Variants in CNTNAP4 observed in about 807,000 individuals in gnomAD.
The protein encoded by CNTNAP4 is contactin associated protein family member 4.
Under a neutral mutation model 148.4 loss-of-function variants are expected in CNTNAP4, and 98 were observed. The observed-to-expected ratio is 0.66, with a 90% CI of 0.56 to 0.78. The LOEUF is 0.78. Ranked by LOEUF, CNTNAP4 falls within the 30% of genes least tolerant of loss-of-function variation. CNTNAP4 has a pLI of 0.00. For synonymous variants in CNTNAP4, 730 were observed against 565.1 expected, an observed-to-expected ratio of 1.29 and a Z score of -4.14; for missense variants, 1,935 against 1,565.6, an observed-to-expected ratio of 1.24 and a Z score of -3.98.
chr16:76,367,415 G>A (rs1042293344), intron 3 of CNTNAP4, among the ~76,000 whole-genome samples: 4 of 151,998 alleles, frequency 2.6e-5, no homozygotes, highest in Non-Finnish European at 2.9e-5. Context: ...AGGAAAAGAT[G>A]AAAAATTAGA....
intron 2 of CNTNAP4, among the ~76,000 whole-genome samples, chr16:76,331,365 T>A (rs1197999592): frequency 6.6e-6 from 1 of 151,844 alleles, no homozygotes; most frequent in Non-Finnish European, 1.5e-5. Context: ...TTTTTTGTAT[T>A]TTTTAGTAGA....
At chr16:76,442,985 A>G (rs1224977645) in intron 4 of CNTNAP4, among the ~76,000 whole-genome samples, 1 of 152,158 alleles carries the variant, frequency 6.6e-6, no homozygotes, top group Non-Finnish European at 1.5e-5. Context: ...AGGGGGCTAG[A>G]CTAAAAAGCG....
At chr16:76,534,107 A>G (rs2084110652) in intron 17 of CNTNAP4, among the ~76,000 whole-genome samples, 1 of 152,196 alleles carries the variant, frequency 6.6e-6, no homozygotes, top group South Asian at 2.1e-4. Flanking sequence ...TCTCAGTCTC[A>G]GAGACCCAAG....
At chr16:76,379,080 G>A (rs2015713093) in intron 3 of CNTNAP4, among the ~76,000 whole-genome samples, 1 of 152,162 alleles carries the variant, frequency 6.6e-6, no homozygotes, top group South Asian at 2.1e-4. Flanking sequence ...GGTTACCCCG[G>A]ACTCAAAGAT....
At chr16:76,555,207 G>A (rs1309779025) in intron 23 of CNTNAP4, among the ~76,000 whole-genome samples, 1 of 151,940 alleles carries the variant, frequency 6.6e-6, no homozygotes, top group Non-Finnish European at 1.5e-5. Flanking sequence ...GATTTTATTT[G>A]GACAGCAAAT....
chr16:76,285,081 G>A (rs965935813), intron 1 of CNTNAP4, among the ~76,000 whole-genome samples: 4 of 151,950 alleles, frequency 2.6e-5, no homozygotes, highest in African/African-American at 4.8e-5. Context: ...CATGCCAAAC[G>A]CATTACAAGT....
chr16:76,284,439 T>C (rs145276669), intron 1 of CNTNAP4, among the ~76,000 whole-genome samples: 1 of 152,044 alleles, frequency 6.6e-6, no homozygotes, highest in East Asian at 1.9e-4. Flanking sequence ...CCAAACCTCA[T>C]GCAGACAAAA....
At chr16:76,352,314 G>T (rs887115868) in intron 2 of CNTNAP4, among the ~76,000 whole-genome samples, 1 of 152,100 alleles carries the variant, frequency 6.6e-6, no homozygotes, top group Non-Finnish European at 1.5e-5. Context: ...TCATCCACAC[G>T]CCATGTCCAT....
intron 2 of CNTNAP4, among the ~76,000 whole-genome samples, chr16:76,321,245 A>G (rs530267749): frequency 1.3e-5 from 2 of 152,376 alleles, no homozygotes; most frequent in South Asian, 4.1e-4. Flanking sequence ...GTTAATTGAC[A>G]GAGATAACTC....
At chr16:76,325,004 A>G (rs1481160101) in intron 2 of CNTNAP4, among the ~76,000 whole-genome samples, 1 of 152,196 alleles carries the variant, frequency 6.6e-6, no homozygotes, top group Non-Finnish European at 1.5e-5. Flanking sequence ...TAAACTAACT[A>G]CTTGACATAC....
intron 15 of CNTNAP4, among the ~76,000 whole-genome samples, chr16:76,502,091 A>C (rs2082673449): frequency 6.7e-6 from 1 of 149,432 alleles, no homozygotes; most frequent in East Asian, 2.0e-4. Flanking sequence ...AGAATTTACA[A>C]ATAGTTTCAA....
At chr16:76,431,835 C>G (rs556486645) in intron 4 of CNTNAP4, among the ~76,000 whole-genome samples, 22 of 151,472 alleles carry the variant, frequency 1.5e-4, no homozygotes, top group South Asian at 1.3e-3. Flanking sequence ...GAACAACTGT[C>G]TGGAAGGGGC....
In CNTNAP4 at chr16:76,477,220, G is replaced by T. The variant is rs142626440; in HGVS notation, c.1762+1175G>T. The stretch of plus-strand genomic sequence containing the variant: ...TTCCTGTATTACAAATCATGAATTT[G>T]TTTTTCTGATGAAATGGATTGCATG... On this transcript the variant is annotated intron_variant, in intron 11 of 23. Transcript: ENST00000611870. Among the ~76,000 whole-genome samples the T allele has an allele frequency of 1.1e-3, 170 of 152,110 alleles. 3 individuals are homozygous for T. In the East Asian group the frequency reaches 0.029, roughly 26 times the overall value.
rs200891315 is a variant in CNTNAP4 at position 76,295,073 on chromosome 16, C to G, written c.85+17326C>G. On this transcript the variant is annotated intron_variant, in intron 1 of 23. Transcript: ENST00000611870. Reference sequence around the variant, plus strand: ...AGCTCAGCTTTGCCACTTCCTGGTCCTGTAGAAAAACAGCACAGTGTGGTA... The same window carrying G: ...AGCTCAGCTTTGCCACTTCCTGGTCGTGTAGAAAAACAGCACAGTGTGGTA... Among the ~76,000 whole-genome samples, 13 of 152,286 alleles carry G rather than the reference C, an allele frequency of 8.5e-5. No individual in the cohort carries two copies. In the East Asian group the frequency reaches 1.7e-3, roughly 20 times the overall value.
intron 10 of CNTNAP4, among the ~76,000 whole-genome samples, chr16:76,469,887 A>G (rs4510051): frequency 0.36 from 54,364 of 151,948 alleles, 10,529 homozygotes; most frequent in Non-Finnish European, 0.42. Context: ...GTATCTGTAA[A>G]CCTGTTGTCT....
At chr16:76,389,719 G>A (rs1278239775) in intron 3 of CNTNAP4, among the ~76,000 whole-genome samples, 1 of 152,064 alleles carries the variant, frequency 6.6e-6, no homozygotes, top group Non-Finnish European at 1.5e-5. Flanking sequence ...GCCTGACTCA[G>A]CCTCCCAAAG....
At chr16:76,304,919 T>C (rs1960328854) in intron 1 of CNTNAP4, among the ~76,000 whole-genome samples, 1 of 152,194 alleles carries the variant, frequency 6.6e-6, no homozygotes, top group Non-Finnish European at 1.5e-5. Flanking sequence ...TGGGAATCCA[T>C]CCAAATTGTA....
At chr16:76,530,048 T>TA (rs1024191115) in intron 17 of CNTNAP4, among the ~76,000 whole-genome samples, 18 of 151,930 alleles carry the variant, frequency 1.2e-4, no homozygotes, top group African/African-American at 4.1e-4. Flanking sequence ...TTATTTTTTT[T>TA]AAAAAAAACT....
intron 23 of CNTNAP4, chr16:76,557,459 AC>A (rs2085244790): frequency 6.6e-6 from 1 of 152,214 alleles, no homozygotes; most frequent in Admixed American, 6.5e-5. Context: ...CACCAGAAGT[AC>A]TTTATTTCTG....
Sources: allele counts gnomAD v4.1 joint callset (sites outside exome capture counted in the v4.1 genomes callset), GRCh38; gene constraint gnomAD v4.1.1; transcripts MANE v1.5; gene names NCBI Gene and HGNC (gene_info 2026-07-23, HGNC 2026-07-21).